Variants in ING3 observed in about 807,000 individuals in gnomAD.
The protein encoded by ING3 is inhibitor of growth protein 3.
ING3 carries 6 observed loss-of-function variants against 64.8 expected under a neutral mutation model. That is an observed-to-expected ratio of 0.09 (90% CI 0.05 to 0.18). The LOEUF is 0.18. Ranked by LOEUF, ING3 falls within the 10% of genes least tolerant of loss-of-function variation. The pLI, the probability that ING3 is intolerant of heterozygous loss-of-function variation, is 1.00. For synonymous variants in ING3, 170 were observed against 173.7 expected, an observed-to-expected ratio of 0.98 and a Z score of 0.17; for missense variants, 310 against 489.7, an observed-to-expected ratio of 0.63 and a Z score of 3.46.
rs1194191883 is a variant in ING3, at chr7:120,970,746, T to A, written c.967T>A (p.Ser323Thr). 1 of 1,612,952 alleles carries A rather than the reference T, an allele frequency of 6.2e-7. No individual in the cohort carries two copies. Among genetic ancestry groups the A allele is most frequent in the Non-Finnish European group, 8.5e-7 (1 of 1,179,066 alleles). Residue 323 changes from serine (S) to threonine (T), a missense_variant, in exon 10 of 12, where the codon TCA becomes ACA. This residue lies in a region of ING3 where 233 missense variants were observed against 289.4 expected (regional missense o/e 0.81). Coordinates refer to ENST00000315870, the MANE Select transcript of ING3 (RefSeq NM_019071.3). ...SSSSSSSSSLSSCSSSSTVVQ... is the reference protein window; with the variant it reads ...SSSSSSSSSLTSCSSSSTVVQ... ...ATCTTCCTCCTCCTCTTCTTCCTTA[T>A]CATCGTGTTCTTCATCATCAACTGT... is the stretch of plus-strand genomic sequence containing the variant.
Position 120,975,940 on chromosome 7 carries a change from G to A in ING3, c.*1096G>A, listed in dbSNP as rs1305998409. On this transcript the variant is annotated 3_prime_UTR_variant, in exon 12 of 12. Coordinates refer to ENST00000315870, the MANE Select transcript of ING3 (RefSeq NM_019071.3). ...TATAGCAGTTAAAACGAAAATAATG[G>A]TTATGGGTGTTTTGACTGGAGGCAA... is the stretch of plus-strand genomic sequence containing the variant. The A allele has an allele frequency of 6.6e-6, 1 of 152,072 alleles. No homozygotes were observed. The highest frequency in any genetic ancestry group is 6.5e-5 in the Admixed American group (1 of 15,268). 9.4% of individuals were successfully genotyped at this position (152,072 alleles called of 1,614,324 possible). A position where few individuals can be genotyped will look rare whatever the true frequency, so the allele number is the denominator to read the frequency against.
At chr7:120,955,022 T>G (rs1475035245) in intron 3 of ING3, among the ~76,000 whole-genome samples, 1 of 152,242 alleles carries the variant, frequency 6.6e-6, no homozygotes, top group Non-Finnish European at 1.5e-5. Flanking sequence ...TACTTTTAAT[T>G]ATATCCTTTC....
At position 120,966,673 on chromosome 7, in the gene ING3, G is replaced by A. The variant is rs760036711; in HGVS notation, c.412G>A (p.Ala138Thr). The change falls in exon 6 of 12, where the codon GCT becomes ACT. Residue 138 changes from alanine (A) to threonine (T), a missense_variant. Physicochemically the swap from Ala to Thr is moderately conservative, Grantham distance 58. Around this residue, in one of 3 missense-constraint regions of ING3, gnomAD observed 233 missense variants for 289.4 expected, o/e 0.81. Transcript: ENST00000315870. ...TPSQPVNNHHAHSHTPVEKRK... is the reference protein window; with the variant it reads ...TPSQPVNNHHTHSHTPVEKRK... Reference sequence around the variant, plus strand: ...TTCACAGCCAGTGAACAATCACCATGCTCATTCACATACTCCAGTGGAAAG... The same window carrying A: ...TTCACAGCCAGTGAACAATCACCATACTCATTCACATACTCCAGTGGAAAG... 2 of 1,613,568 alleles carry A rather than the reference G, an allele frequency of 1.2e-6. No individual in the cohort carries two copies. The highest frequency in any genetic ancestry group is 2.2e-5 in the East Asian group (1 of 44,874).
At chr7:120,973,482 T>TA (rs1796095355) in intron 11 of ING3, among the ~76,000 whole-genome samples, 1 of 127,858 alleles carries the variant, frequency 7.8e-6, no homozygotes, top group Non-Finnish European at 1.6e-5. Flanking sequence ...TCAGAAGTGT[T>TA]ATGTTGTATG....
At chr7:120,968,845 C>CAAAAA (rs377274991) in intron 8 of ING3, among the ~76,000 whole-genome samples, 166 bp from the exon 9 acceptor site, 2 of 59,286 alleles carry the variant, frequency 3.4e-5, no homozygotes, top group Non-Finnish European at 6.9e-5. Flanking sequence ...AACTCCACCT[C>CAAAAA]AAAAAAAAAA....
At chr7:120,956,597 T>C (rs1005131879) in intron 4 of ING3, 1 of 989,286 alleles carries the variant, frequency 1.0e-6, no homozygotes, top group Non-Finnish European at 1.2e-6. Flanking sequence ...GGCTCTTTTG[T>C]TCATAGAGTT....
At position 120,977,195 on chromosome 7, in the gene ING3, A is replaced by G. The variant is rs1796144659; in HGVS notation, c.*2351A>G. The G allele has an allele frequency of 1.3e-5, 2 of 152,228 alleles. No homozygotes were observed. The highest frequency in any genetic ancestry group is 2.9e-5 in the Non-Finnish European group (2 of 68,030). 9.4% of individuals were successfully genotyped at this position (152,228 alleles called of 1,614,324 possible). On this transcript the variant is annotated 3_prime_UTR_variant, in exon 12 of 12. Coordinates refer to ENST00000315870, the MANE Select transcript of ING3 (RefSeq NM_019071.3). The stretch of plus-strand genomic sequence containing the variant: ...CATGGTGACACATTTGAAGCAATAA[A>G]TGGCTTAATTAAATGCCAAAATGAG...
chr7:120,954,981 A>C (rs1417924253), intron 3 of ING3, among the ~76,000 whole-genome samples: 2 of 152,336 alleles, frequency 1.3e-5, no homozygotes, highest in Non-Finnish European at 2.9e-5. Context: ...TCATTAACTC[A>C]TATAGCTTTT....
rs1347889565 is a variant in ING3, at chr7:120,974,916, A to G, written c.*72A>G. 3.8e-6 allele frequency: 4 copies of G among 1,058,576 alleles called. No homozygotes were observed. The East Asian group carries it at 1.0e-4, about 27-fold the overall frequency. 65.6% of individuals were successfully genotyped at this position (1,058,576 alleles called of 1,614,324 possible). ...TTATATAGGACTTTAAAAAGAAGAG[A>G]AGAGAAAGAAGAAACAATGCATTTC... On this transcript the variant is annotated 3_prime_UTR_variant, in exon 12 of 12. Coordinates refer to ENST00000315870, the MANE Select transcript of ING3 (RefSeq NM_019071.3).
At chr7:120,958,936 T>A (rs963167658) in intron 4 of ING3, among the ~76,000 whole-genome samples, 1 of 152,244 alleles carries the variant, frequency 6.6e-6, no homozygotes, top group Non-Finnish European at 1.5e-5. Context: ...TTACTAATCC[T>A]CTATAACTTC....
In ING3 at chr7:120,975,474, C is replaced by A. The variant is rs1281691390; in HGVS notation, c.*630C>A. On this transcript the variant is annotated 3_prime_UTR_variant, in exon 12 of 12. Transcript: ENST00000315870. Reference sequence around the variant, plus strand: ...TCCTGTAGGTAAAAAGTAATTTGTGCCATTAGTCTTTCTATGTTTCTGCAT... The same window carrying A: ...TCCTGTAGGTAAAAAGTAATTTGTGACATTAGTCTTTCTATGTTTCTGCAT... 3 of 144,712 alleles carry A rather than the reference C, an allele frequency of 2.1e-5. No homozygotes were observed. Among genetic ancestry groups the A allele is most frequent in the Non-Finnish European group, 4.5e-5 (3 of 66,834 alleles). 9.0% of individuals were successfully genotyped at this position (144,712 alleles called of 1,614,324 possible).
chr7:120,954,502 G>A (rs190009100), intron 3 of ING3, among the ~76,000 whole-genome samples: 2 of 151,788 alleles, frequency 1.3e-5, no homozygotes, highest in East Asian at 1.9e-4. Context: ...GTTATGATAT[G>A]TTATTTATTC....
chr7:120,950,980 G>C (rs1795751851), intron 1 of ING3, 56 bp downstream of exon 1: 1 of 1,601,436 alleles, frequency 6.2e-7, no homozygotes, highest in Non-Finnish European at 8.5e-7. Context: ...GGGCAAGAGC[G>C]CGAGTGGACG....
At position 120,966,709 on chromosome 7, in the gene ING3, G is replaced by A. The variant is rs751109512; in HGVS notation, c.436+12G>A. The A allele has an allele frequency of 1.6e-5, 26 of 1,596,698 alleles. No individual in the cohort carries two copies. Among genetic ancestry groups the A allele is most frequent in the African/African-American group, 2.7e-5 (2 of 74,536 alleles). The stretch of plus-strand genomic sequence containing the variant: ...TACTCCAGTGGAAAGTAAGTTTGGT[G>A]TAGTGCAGCTAAGTTTTAAAAACAA... On this transcript the variant is annotated intron_variant, in intron 6 of 11. Transcript: ENST00000315870.
intron 4 of ING3, among the ~76,000 whole-genome samples, chr7:120,960,662 C>T (rs1562974353): frequency 6.6e-6 from 1 of 152,072 alleles, no homozygotes; most frequent in Non-Finnish European, 1.5e-5. Context: ...ATAAACCAAA[C>T]TACATATTAT....
At chr7:120,957,364 T>A (rs1795865008) in intron 4 of ING3, among the ~76,000 whole-genome samples, 1 of 150,616 alleles carries the variant, frequency 6.6e-6, no homozygotes, top group African/African-American at 2.4e-5. Context: ...AGAGAGCGAC[T>A]CTGTCTTAAA....
intron 10 of ING3, among the ~76,000 whole-genome samples, chr7:120,972,608 T>C (rs1158722189): frequency 6.6e-6 from 1 of 152,284 alleles, no homozygotes; most frequent in Middle Eastern, 3.4e-3. Context: ...AGAGAAGTTA[T>C]TTCTCTGCAT....
At chr7:120,964,111 A>AC (rs1795968875) in intron 4 of ING3, among the ~76,000 whole-genome samples, 1 of 152,298 alleles carries the variant, frequency 6.6e-6, no homozygotes, top group African/African-American at 2.4e-5. Flanking sequence ...TTGCCAAGTT[A>AC]ACTAGGGAAA....
Position 120,953,326 on chromosome 7 carries a change from A to G in ING3, c.123A>G (p.Gln41=), listed in dbSNP as rs758794686. 6.2e-7 allele frequency: 1 copy of G among 1,602,376 alleles called. No individual in the cohort carries two copies. Among genetic ancestry groups the G allele is most frequent in the Non-Finnish European group, 8.5e-7 (1 of 1,174,546 alleles). ...TAGATGCAATGGATCAACTAGAACAAAGAGTCAGTGAATTCTTTATGAATG... is the reference window on the plus strand; with the variant it reads ...TAGATGCAATGGATCAACTAGAACAGAGAGTCAGTGAATTCTTTATGAATG... The part of the protein sequence containing the change: ...QVQNAMDQLE[Q]RVSEFFMNAK... Residue 41 remains glutamine, a synonymous_variant, in exon 3 of 12, where the codon CAA becomes CAG. Coordinates refer to ENST00000315870, the MANE Select transcript of ING3 (RefSeq NM_019071.3).
Sources: gnomAD v4.1 joint callset for allele counts (sites outside exome capture counted in the v4.1 genomes callset) on GRCh38, gnomAD v4.1.1 for gene constraint, gnomAD v4.1.1 regional missense constraint, MANE v1.5 for transcripts, NCBI Gene and HGNC (gene_info 2026-07-23, HGNC 2026-07-21) for gene names.